The following ZNF433 variants were observed in gnomAD, a reference collection of about 807,000 sequenced individuals.
The protein encoded by ZNF433 is zinc finger protein 433.
A neutral mutation model predicts 10.6 loss-of-function variants in ZNF433; 12 were observed. The observed-to-expected ratio is 1.13, with a 90% CI of 0.72 to 1.83. The LOEUF (loss-of-function observed/expected upper bound fraction) is 1.83. Among genes scored for constraint, ZNF433 ranks in the 40% most tolerant of loss-of-function variants. The probability of loss-of-function intolerance (pLI) is 0.00; values close to 1 mark genes in which losing one functional copy is unlikely to be tolerated. For synonymous variants in ZNF433, 272 were observed against 271.3 expected (o/e 1.00, Z -0.02); for missense variants, 737 against 798.0 (o/e 0.92, Z 0.92).
rs2145400930 is a variant in ZNF433 at position 12,015,889 on chromosome 19, G to A, written c.969C>T (p.Arg323=). The change falls in exon 4 of 4, where the codon CGC becomes CGT. Residue 323 remains arginine (R), a synonymous_variant. Coordinates refer to ENST00000550507, the MANE Select transcript of ZNF433 (RefSeq NM_001308348.2). The part of the protein sequence containing the change: ...GKAFKCPSSV[R]RHERTHSRKK... ...TCCTAGAGTGGGTTCTTTCATGTCT[G>A]CGAACAGAACTGGGACACTTGAATG... 6.2e-7 allele frequency: 1 copy of A among 1,612,974 alleles called. No individual in the cohort carries two copies. The highest frequency in any genetic ancestry group is 8.5e-7 in the Non-Finnish European group (1 of 1,179,682).
intron 1 of ZNF433, chr19:12,034,706 G>T (rs972453242): frequency 2.4e-6 from 1 of 421,284 alleles, no homozygotes; most frequent in South Asian, 1.7e-5. Context: ...CCTTCCTACC[G>T]CCTCGAAGTT....
chr19:12,031,547 G>A (rs1975029579), intron 1 of ZNF433, among the ~76,000 whole-genome samples: 1 of 152,034 alleles, frequency 6.6e-6, no homozygotes, highest in African/African-American at 2.4e-5. Flanking sequence ...AGGAGGCTAA[G>A]GCACAAGAAT....
chr19:12,024,683 A>T (rs902800995), intron 1 of ZNF433: 5 of 152,090 alleles, frequency 3.3e-5, no homozygotes, highest in African/African-American at 1.2e-4. Flanking sequence ...TCCAGAGAAG[A>T]CTCTAGATTT....
chr19:12,018,921 G>A (rs1012464019), intron 1 of ZNF433, among the ~76,000 whole-genome samples: 8 of 151,306 alleles, frequency 5.3e-5, no homozygotes, highest in East Asian at 2.0e-4. Flanking sequence ...ATGGTGGTGC[G>A]TGCCTGTAAT....
In ZNF433 at chr19:12,015,735, G is replaced by C. The variant is rs769281616; in HGVS notation, c.1123C>G (p.Pro375Ala). 1.5e-5 allele frequency: 25 copies of C among 1,613,240 alleles called. No individual in the cohort carries two copies. In the Admixed American group the frequency reaches 4.0e-4, roughly 26 times the overall value. The change falls in exon 4 of 4, where the codon CCC (proline) becomes GCC (alanine). Residue 375 changes from proline (P) to alanine (A), a missense_variant. By Grantham distance (27) the Pro-to-Ala change is conservative (BLOSUM62 -1). Transcript: ENST00000550507. Reference protein sequence around the residue: ...CKICGKAFYSPSSLQTHEKTH... With the variant: ...CKICGKAFYSASSLQTHEKTH... ...TTTTCATGTGTTTGAAGTGAACTGG[G>C]AGAATAAAAGGCTTTCCCACATATC... is the stretch of plus-strand genomic sequence containing the variant.
intron 1 of ZNF433, chr19:12,030,274 G>A (rs1480449041): frequency 1.3e-5 from 5 of 387,980 alleles, no homozygotes; most frequent in Non-Finnish European, 2.5e-5. Flanking sequence ...AGGATGGAGT[G>A]CAGTGGCATG....
rs1318686511 is a variant in ZNF433, at chr19:12,035,608, G to A, written c.-69C>T. On this transcript the variant is annotated 5_prime_UTR_variant, in exon 1 of 4. Transcript: ENST00000550507. ...CACAGGCGACAGAAGCTATGGCAGA[G>A]GCACCTGAACCCTCTCGGAGGGGAA... The A allele has an allele frequency of 1.9e-6, 3 of 1,547,654 alleles. No homozygotes were observed. Among genetic ancestry groups the A allele is most frequent in the East Asian group, 2.5e-5 (1 of 40,638 alleles).
In ZNF433 at chr19:12,018,584, G is replaced by A. The variant is rs73000430; in HGVS notation, c.4-292C>T. ...ATGTTTGTTTGTAAAGTGGGAGTAC[G>A]GCACCTGCCATAACAAAGTCTTCCA... On this transcript the variant is annotated intron_variant, in intron 1 of 3. Coordinates refer to ENST00000550507, the MANE Select transcript of ZNF433 (RefSeq NM_001308348.2). 7.0e-3 allele frequency: 1,656 copies of A among 237,376 alleles called. 13 individuals are homozygous for A. Among genetic ancestry groups the A allele is most frequent in the Non-Finnish European group, 9.6e-3 (1,196 of 124,858 alleles). 14.7% of individuals were successfully genotyped at this position (237,376 alleles called of 1,614,324 possible).
intron 3 of ZNF433, 83 bp from the exon 4 acceptor site, chr19:12,016,749 TTC>T (rs1491355661): frequency 4.7e-6 from 7 of 1,492,290 alleles, no homozygotes; most frequent in East Asian, 2.4e-5. Context: ...CTTGCATTTT[TTC>T]TCTTTTTTTT....
intron 3 of ZNF433, among the ~76,000 whole-genome samples, chr19:12,017,080 CT>C (rs1344903071): frequency 4.6e-5 from 7 of 152,080 alleles, no homozygotes; most frequent in Non-Finnish European, 1.0e-4. Flanking sequence ...AAACTGTAGG[CT>C]TTCTGCCCTG....
Position 12,015,580 on chromosome 19 carries a change from T to C in ZNF433, c.1278A>G (p.Lys426=). The C allele has an allele frequency of 1.9e-6, 3 of 1,614,000 alleles. No homozygotes were observed. The highest frequency in any genetic ancestry group is 2.5e-6 in the Non-Finnish European group (3 of 1,179,994). The change falls in exon 4 of 4, where the codon AAA becomes AAG. Residue 426 remains lysine, a synonymous_variant. Transcript: ENST00000550507. The part of the protein sequence containing the change: ...EKPYECKQCG[K]AFRSASLLQT... ...GAAGGAGTGAGGCAGATCTGAAGGC[T>C]TTCCCACATTGCTTACACTCGTAAG...
chr19:12,024,667 A>G (rs1250974001), intron 1 of ZNF433: 4 of 152,200 alleles, frequency 2.6e-5, no homozygotes, highest in Non-Finnish European at 4.4e-5. Context: ...AGATAAATAG[A>G]ATAGATCCAG....
chr19:12,033,237 G>C (rs1016129801), intron 1 of ZNF433, among the ~76,000 whole-genome samples: 1 of 152,122 alleles, frequency 6.6e-6, no homozygotes, highest in African/African-American at 2.4e-5. Flanking sequence ...GGGACTACAG[G>C]TGTGTGCCAT....
intron 1 of ZNF433, chr19:12,034,729 TCA>T: frequency 2.2e-6 from 1 of 447,148 alleles, no homozygotes; most frequent in Non-Finnish European, 4.5e-6. Flanking sequence ...AGACAAAGCT[TCA>T]CACTCTCCAC....
Position 12,017,944 on chromosome 19 carries a change from A to G in ZNF433, c.131-8T>C, listed in dbSNP as rs1974293017. ...GGGGTTTCCATTTTTTCCCTACAAC[A>G]CACAACAAGGAAAATAATCTTGAAT... On this transcript the variant is annotated splice_polypyrimidine_tract_variant and splice_region_variant and intron_variant, in intron 2 of 3. Transcript: ENST00000550507. 4 of 1,566,706 alleles carry G rather than the reference A, an allele frequency of 2.6e-6. No individual in the cohort carries two copies. In the East Asian group the frequency reaches 6.8e-5, roughly 27 times the overall value.
intron 1 of ZNF433, chr19:12,023,900 G>GC (rs1974615332): frequency 6.6e-6 from 1 of 151,904 alleles, no homozygotes; most frequent in Non-Finnish European, 1.5e-5. Context: ...GTATGTCCTA[G>GC]GAAAAAAATT....
intron 3 of ZNF433, 79 bp downstream of exon 3, chr19:12,017,797 C>T: frequency 3.4e-6 from 3 of 888,300 alleles, no homozygotes; most frequent in Non-Finnish European, 5.1e-6. Context: ...TCTTTTGTTT[C>T]CTTTTTTTTT....
chr19:12,015,905 C>T lies in ZNF433; in HGVS notation c.953G>A (p.Cys318Tyr). Residue 318 changes from cysteine (C) to tyrosine (Y), a missense_variant, in exon 4 of 4, where the codon TGT (cysteine) becomes TAT (tyrosine). Coordinates refer to ENST00000550507, the MANE Select transcript of ZNF433 (RefSeq NM_001308348.2). ...TTCATGTCTGCGAACAGAACTGGGA[C>T]ACTTGAATGCTTTTCCACATTCCTT... Reference protein sequence around the residue: ...ECKECGKAFKCPSSVRRHERT... With the variant: ...ECKECGKAFKYPSSVRRHERT... The T allele has an allele frequency of 6.2e-7, 1 of 1,613,242 alleles. No individual in the cohort carries two copies. The highest frequency in any genetic ancestry group is 8.5e-7 in the Non-Finnish European group (1 of 1,179,732).
chr19:12,030,671 T>C (rs1974973678), intron 1 of ZNF433, among the ~76,000 whole-genome samples: 1 of 152,168 alleles, frequency 6.6e-6, no homozygotes, highest in African/African-American at 2.4e-5. Context: ...GATGGAAATA[T>C]AGACCAATGG....
Sources: gnomAD v4.1 joint callset for allele counts (sites outside exome capture counted in the v4.1 genomes callset) on GRCh38, gnomAD v4.1.1 for gene constraint, MANE v1.5 for transcripts, NCBI Gene and HGNC (gene_info 2026-07-23, HGNC 2026-07-21) for gene names.